Variants in ICMT observed in about 807,000 individuals in gnomAD.
ICMT encodes the protein isoprenylcysteine carboxyl methyltransferase.
In ICMT, 10 loss-of-function variants were observed where a neutral mutation model predicts 32.2. That is an observed-to-expected ratio of 0.31 (90% CI 0.19 to 0.53). The LOEUF is 0.53. Among genes scored for constraint, ICMT ranks in the 20% least tolerant of loss-of-function variants. The probability of loss-of-function intolerance (pLI) is 0.96; values close to 1 mark genes in which losing one functional copy is unlikely to be tolerated. For synonymous variants in ICMT, 183 were observed against 158.2 expected, an observed-to-expected ratio of 1.16 and a Z score of -1.18; for missense variants, 265 against 356.9, an observed-to-expected ratio of 0.74 and a Z score of 2.07.
In ICMT at chr1:6,235,812, TG is replaced by T; in HGVS notation, c.99del (p.Thr34ArgfsTer33). ...GTGCGGCCCTGCAGGCCGGCGCGCGTGAGCAGCGGCAGCGCGAGCACCGAGG... is the reference window on the plus strand; with the variant it reads ...GTGCGGCCCTGCAGGCCGGCGCGCGTAGCAGCGGCAGCGCGAGCACCGAGG... ...LGASVLALPL[L>X]TRAGLQGRTG... On this transcript the variant is annotated frameshift_variant, in exon 1 of 5. Coordinates refer to ENST00000343813, the MANE Select transcript of ICMT (RefSeq NM_012405.4). LOFTEE classifies it high-confidence loss of function. The T allele has an allele frequency of 7.6e-7, 1 of 1,320,034 alleles. No homozygotes were observed. Among genetic ancestry groups the T allele is most frequent in the South Asian group, 1.6e-5 (1 of 62,602 alleles). The allele number at this position is 1,320,034 out of a possible 1,614,324, so 81.8% of individuals were successfully genotyped here. A position where few individuals can be genotyped will look rare whatever the true frequency, so the allele number is the denominator to read the frequency against.
chr1:6,228,347 T>C (rs575889159), intron 4 of ICMT, among the ~76,000 whole-genome samples: 1 of 151,752 alleles, frequency 6.6e-6, no homozygotes, highest in Non-Finnish European at 1.5e-5. Flanking sequence ...GGTTTCTTTT[T>C]CTTTTTTTTT....
intron 4 of ICMT, among the ~76,000 whole-genome samples, chr1:6,227,511 C>T (rs924989523): frequency 6.6e-6 from 1 of 152,192 alleles, no homozygotes; most frequent in Admixed American, 6.5e-5. Context: ...TATTCACATT[C>T]TTTGGCCAAG....
intron 1 of ICMT, 37 bp downstream of exon 1, chr1:6,235,680 G>GCCCCCGCCGGC (rs1553151024): frequency 1.7e-6 from 2 of 1,146,246 alleles, no homozygotes; most frequent in African/African-American, 3.3e-5. Flanking sequence ...ACCGCCGCCC[G>GCCCCCGCCGGC]CCCCGCCGGC....
intron 4 of ICMT, among the ~76,000 whole-genome samples, chr1:6,230,308 T>C (rs1256070619): frequency 6.6e-6 from 1 of 151,974 alleles, no homozygotes; most frequent in Non-Finnish European, 1.5e-5. Context: ...AGAGATGGGG[T>C]TTTGCCATGT....
rs778229072 is a variant in ICMT at position 6,234,993 on chromosome 1, A to G, written c.196-19T>C. 1.2e-6 allele frequency: 2 copies of G among 1,603,246 alleles called. No homozygotes were observed. Among genetic ancestry groups the G allele is most frequent in the Admixed American group, 1.7e-5 (1 of 59,998 alleles). Reference sequence around the variant, plus strand: ...TGGCTATCTGAAAGGAACCCAAGAGAAGCTCAGTCATTCACAGTCCTCAGA... The same window carrying G: ...TGGCTATCTGAAAGGAACCCAAGAGGAGCTCAGTCATTCACAGTCCTCAGA... On this transcript the variant is annotated intron_variant, in intron 1 of 4. Coordinates refer to ENST00000343813, the MANE Select transcript of ICMT (RefSeq NM_012405.4).
In ICMT at chr1:6,224,867, A is replaced by G; in HGVS notation, c.*213T>C. On this transcript the variant is annotated 3_prime_UTR_variant, in exon 5 of 5. Transcript: ENST00000343813. ...TTTGCCCCTTACTCGTCTTTCACCC[A>G]TGTTCCGCCTTGATTCGGCATAAGG... 1.8e-6 allele frequency: 1 copy of G among 550,986 alleles called. No homozygotes were observed. The highest frequency in any genetic ancestry group is 3.2e-6 in the Non-Finnish European group (1 of 313,578). 34.1% of individuals were successfully genotyped at this position (550,986 alleles called of 1,614,324 possible).
At chr1:6,225,969 C>A (rs1457662918) in intron 4 of ICMT, among the ~76,000 whole-genome samples, 1 of 152,034 alleles carries the variant, frequency 6.6e-6, no homozygotes, top group African/African-American at 2.4e-5. Flanking sequence ...ATTCTCCCAC[C>A]TCAGCCTCCC....
chr1:6,227,359 TG>T (rs2100961926), intron 4 of ICMT, among the ~76,000 whole-genome samples: 1 of 152,364 alleles, frequency 6.6e-6, no homozygotes. Context: ...AAATGCTATG[TG>T]ATCATTTGCC....
At chr1:6,231,691 T>C (rs1404369010) in intron 4 of ICMT, among the ~76,000 whole-genome samples, 1 of 152,152 alleles carries the variant, frequency 6.6e-6, no homozygotes, top group Non-Finnish European at 1.5e-5. Context: ...AGGACTACAT[T>C]AGTTCTCTTG....
chr1:6,234,242 G>C (rs1668780909), intron 2 of ICMT, among the ~76,000 whole-genome samples: 1 of 152,112 alleles, frequency 6.6e-6, no homozygotes, highest in South Asian at 2.1e-4. Context: ...GGGCCCTTCT[G>C]TCCGTTAAAA....
rs941085586 is a variant in ICMT at position 6,223,764 on chromosome 1, G to A, written c.*1316C>T. ...GGTTTAGTGGCTCCTCACAGGCCGC[G>A]TGGTGGGGCAGCAGAGTGGTGCTCT... On this transcript the variant is annotated 3_prime_UTR_variant, in exon 5 of 5. Coordinates refer to ENST00000343813, the MANE Select transcript of ICMT (RefSeq NM_012405.4). 3.3e-5 allele frequency: 5 copies of A among 152,260 alleles called. No individual in the cohort carries two copies. Among genetic ancestry groups the A allele is most frequent in the East Asian group, 3.8e-4 (2 of 5,198 alleles). 9.4% of individuals were successfully genotyped at this position (152,260 alleles called of 1,614,324 possible).
intron 3 of ICMT, 112 bp downstream of exon 3, chr1:6,233,362 C>T (rs935039916): frequency 9.4e-6 from 9 of 953,746 alleles, no homozygotes; most frequent in African/African-American, 3.3e-5. Context: ...TAGAGGTCTG[C>T]GGAAAATCGC....
chr1:6,234,611 AAGTTACGGAATGCTGTCACCAC>A (rs1324875161), intron 2 of ICMT: 6 of 514,742 alleles, frequency 1.2e-5, no homozygotes, highest in African/African-American at 1.9e-5. Flanking sequence ...AGGGCTGCTC[AAGTTACGGAATGCTGTCACCAC>A]AGCTGCGGAT....
Position 6,229,823 on chromosome 1 carries a change from C to CACAT in ICMT, c.672+2078_672+2079insATGT, listed in dbSNP as rs3221751. Among the ~76,000 whole-genome samples, 774 of 137,364 alleles carry CACAT rather than the reference C, an allele frequency of 5.6e-3. 4 individuals are homozygous for CACAT. Among genetic ancestry groups the CACAT allele is most frequent in the African/African-American group, 0.017 (652 of 39,044 alleles). 90.1% of individuals were successfully genotyped at this position (137,364 alleles called of 152,430 possible). A position where few individuals can be genotyped will look rare whatever the true frequency, so the allele number is the denominator to read the frequency against. ...ACACACACACACACACACACACACA[C>CACAT]ATAGAGCAGGTGCAGTGGCTCACAC... On this transcript the variant is annotated intron_variant, in intron 4 of 4. Coordinates refer to ENST00000343813, the MANE Select transcript of ICMT (RefSeq NM_012405.4).
chr1:6,233,998 A>C (rs1417041807), intron 2 of ICMT, among the ~76,000 whole-genome samples: 1 of 151,974 alleles, frequency 6.6e-6, no homozygotes, highest in Non-Finnish European at 1.5e-5. Context: ...ACAGGTGCCC[A>C]CCACCACGCC....
At chr1:6,234,439 G>C (rs1668784454) in intron 2 of ICMT, 2 of 490,740 alleles carry the variant, frequency 4.1e-6, no homozygotes, top group Admixed American at 2.1e-5. Context: ...GGTCAGACTA[G>C]AAGGCTCAAG....
At chr1:6,230,122 C>CTT (rs59487986) in intron 4 of ICMT, among the ~76,000 whole-genome samples, 1 of 145,366 alleles carries the variant, frequency 6.9e-6, no homozygotes, top group Non-Finnish European at 1.5e-5. Context: ...GGAACCATCT[C>CTT]TTTTTTTTTT....
rs1668813911 is a variant in ICMT, at chr1:6,235,703, C to T, written c.195+14G>A. The T allele has an allele frequency of 1.7e-6, 2 of 1,194,006 alleles. No homozygotes were observed. Among genetic ancestry groups the T allele is most frequent in the African/African-American group, 3.2e-5 (2 of 61,750 alleles). 74.0% of individuals were successfully genotyped at this position (1,194,006 alleles called of 1,614,324 possible). ...CCGCCCCGCCGGCCCCCGCCGGCCC[C>T]CGCCGGCCTGCACCTGGTAGCGAGG... On this transcript the variant is annotated intron_variant, in intron 1 of 4. Coordinates refer to ENST00000343813, the MANE Select transcript of ICMT (RefSeq NM_012405.4).
intron 2 of ICMT, 146 bp downstream of exon 2, chr1:6,234,740 G>C (rs1347284980): frequency 3.5e-5 from 24 of 692,704 alleles, no homozygotes; most frequent in Middle Eastern, 3.0e-4. Flanking sequence ...TGAGCAACTA[G>C]GGGGAAGCCA....
Sources: allele counts gnomAD v4.1 joint callset (sites outside exome capture counted in the v4.1 genomes callset), GRCh38; gene constraint gnomAD v4.1.1; transcripts MANE v1.5; gene names NCBI Gene and HGNC (gene_info 2026-07-23, HGNC 2026-07-21).